The following SLC2A12 variants were observed in gnomAD, a reference collection of about 807,000 sequenced individuals.
The protein encoded by SLC2A12 is solute carrier family 2, facilitated glucose transporter member 12.
SLC2A12 carries 23 observed loss-of-function variants against 41.8 expected under a neutral mutation model. The observed-to-expected ratio is 0.55, with a 90% confidence interval of 0.40 to 0.78. The LOEUF (loss-of-function observed/expected upper bound fraction) is 0.78, where lower values mean the gene tolerates loss of function less well. Ranked by LOEUF, SLC2A12 falls within the 30% of genes least tolerant of loss-of-function variation. SLC2A12 has a pLI of 0.00. For synonymous variants in SLC2A12, 295 were observed against 285.9 expected (o/e 1.03, Z -0.32); for missense variants, 654 against 745.6 (o/e 0.88, Z 1.43).
chr6:133,996,968 G>A (rs74298551), intron 4 of SLC2A12, among the ~76,000 whole-genome samples: 2 of 151,484 alleles, frequency 1.3e-5, no homozygotes, highest in South Asian at 4.2e-4. Context: ...AAAGCCTCTG[G>A]CTCACTAGTA....
At chr6:133,993,557 A>G (rs1415035381) in intron 4 of SLC2A12, among the ~76,000 whole-genome samples, 1 of 152,226 alleles carries the variant, frequency 6.6e-6, no homozygotes, top group Non-Finnish European at 1.5e-5. Context: ...AAGTGTTGGG[A>G]AACAACAGTG....
Position 134,029,445 on chromosome 6 carries a change from C to T in SLC2A12, c.380G>A (p.Ser127Asn), listed in dbSNP as rs1244396449. ...LGLGSLVLIL[S>N]LSYTVLIVGR... is the part of the protein sequence containing the mutation. ...CACTATAAGAACCGTGTAGGATAAA[C>T]TGAGGATCAAGACTAAGCTTCCGAG... Residue 127 changes from serine (S) to asparagine (N), a missense_variant, in exon 2 of 5, where the codon AGT becomes AAT. Ser to Asn is a conservative substitution (Grantham distance 46). Transcript: ENST00000275230. The T allele has an allele frequency of 8.1e-6, 13 of 1,614,108 alleles. No homozygotes were observed. Among genetic ancestry groups the T allele is most frequent in the Non-Finnish European group, 8.5e-6 (10 of 1,180,024 alleles).
At chr6:134,010,323 A>C (rs141891648) in intron 2 of SLC2A12, among the ~76,000 whole-genome samples, 1 of 152,150 alleles carries the variant, frequency 6.6e-6, no homozygotes, top group East Asian at 1.9e-4. Context: ...CTCTCTGGGA[A>C]TCTTCTTTAT....
At chr6:134,035,458 T>C (rs1777284071) in intron 1 of SLC2A12, among the ~76,000 whole-genome samples, 1 of 152,202 alleles carries the variant, frequency 6.6e-6, no homozygotes, top group Admixed American at 6.5e-5. Flanking sequence ...CAGGCCTTGC[T>C]GGGTTTCTGT....
At position 134,029,217 on chromosome 6, in the gene SLC2A12, A is replaced by G. The variant is rs550986254; in HGVS notation, c.608T>C (p.Val203Ala). 1.9e-6 allele frequency: 3 copies of G among 1,614,184 alleles called. No homozygotes were observed. The African/African-American group carries it at 4.0e-5, about 22-fold the overall frequency. Residue 203 changes from valine (V) to alanine (A), a missense_variant, in exon 2 of 5, where the codon GTG (valine) becomes GCG (alanine). This residue lies in a region of SLC2A12 where 411 missense variants were observed against 412.1 expected (regional missense o/e 1.00). Transcript: ENST00000275230. ...FHGWKYMFGL[V>A]IPLGVLQAIA... Reference sequence around the variant, plus strand: ...TGCTTGCAAAACTCCCAAGGGAATCACAAGACCAAACATGTACTTCCAGCC... The same window carrying G: ...TGCTTGCAAAACTCCCAAGGGAATCGCAAGACCAAACATGTACTTCCAGCC...
At chr6:134,032,426 T>TTTATA (rs1416304432) in intron 1 of SLC2A12, among the ~76,000 whole-genome samples, 7 of 35,506 alleles carry the variant, frequency 2.0e-4, no homozygotes, top group East Asian at 9.6e-4. Context: ...ATATATATAT[T>TTTATA]TATATATATA....
chr6:134,029,744 G>A (rs775591617), intron 1 of SLC2A12, 23 bp from the exon 2 acceptor site: 8 of 1,576,218 alleles, frequency 5.1e-6, no homozygotes, highest in South Asian at 2.3e-5. Context: ...AGAAGAGACA[G>A]GGAGGTCAGT....
intron 1 of SLC2A12, among the ~76,000 whole-genome samples, chr6:134,032,825 ATTATATATTAT>A (rs1286816379): frequency 6.9e-6 from 1 of 143,908 alleles, no homozygotes; most frequent in Non-Finnish European, 1.5e-5. Flanking sequence ...ATATATATAA[ATTATATATTAT>A]TTATATATAA....
At chr6:134,001,780 C>T (rs1196046678) in intron 4 of SLC2A12, among the ~76,000 whole-genome samples, 4 of 150,036 alleles carry the variant, frequency 2.7e-5, no homozygotes, top group African/African-American at 9.8e-5. Flanking sequence ...AAGCTTCATT[C>T]ATTGGGAAGA....
chr6:134,043,566 G>A (rs747375707), intron 1 of SLC2A12, among the ~76,000 whole-genome samples: 2 of 151,964 alleles, frequency 1.3e-5, no homozygotes, highest in Non-Finnish European at 2.9e-5. Context: ...AGGCCGAGAT[G>A]GGCGGATCAC....
intron 1 of SLC2A12, among the ~76,000 whole-genome samples, chr6:134,037,767 G>A (rs1777324079): frequency 6.6e-6 from 1 of 152,180 alleles, no homozygotes; most frequent in Non-Finnish European, 1.5e-5. Flanking sequence ...TTGGGAGCAG[G>A]AGTGTCTGTA....
rs563733332 is a variant in SLC2A12 at position 134,012,941 on chromosome 6, C to T, written c.1445-6007G>A. On this transcript the variant is annotated intron_variant, in intron 2 of 4. Transcript: ENST00000275230. Reference sequence around the variant, plus strand: ...AGCTATGATCAATCACACCATTACACTCCAGCCTAGGCAACAGAGCAAGAC... The same window carrying T: ...AGCTATGATCAATCACACCATTACATTCCAGCCTAGGCAACAGAGCAAGAC... Among the ~76,000 whole-genome samples, 6 of 152,274 alleles carry T rather than the reference C, an allele frequency of 3.9e-5. No homozygotes were observed. In the East Asian group the frequency reaches 9.6e-4, roughly 24 times the overall value.
In SLC2A12 at chr6:134,029,725, C is replaced by T; in HGVS notation, c.104-4G>A. On this transcript the variant is annotated splice_polypyrimidine_tract_variant and splice_region_variant and intron_variant, in intron 1 of 4. Transcript: ENST00000275230. ...AGGAAGGTAAACATGCCGCAGCCTG[C>T]AAGCAGAGAGAAGAGACAGGGAGGT... is the stretch of plus-strand genomic sequence containing the variant. The T allele has an allele frequency of 6.3e-7, 1 of 1,589,210 alleles. No individual in the cohort carries two copies. Among genetic ancestry groups the T allele is most frequent in the African/African-American group, 1.3e-5 (1 of 74,658 alleles).
At position 134,028,567 on chromosome 6, in the gene SLC2A12, T is replaced by A. The variant is rs750997944; in HGVS notation, c.1258A>T (p.Met420Leu). The A allele has an allele frequency of 6.8e-6, 11 of 1,614,180 alleles. No individual in the cohort carries two copies. In the Admixed American group the frequency reaches 1.8e-4, roughly 27 times the overall value. The change falls in exon 2 of 5, where the codon ATG (methionine) becomes TTG (leucine). Residue 420 changes from methionine (M) to leucine (L), a missense_variant. By Grantham distance (15) the Met-to-Leu change is conservative (BLOSUM62 2). Coordinates refer to ENST00000275230, the MANE Select transcript of SLC2A12 (RefSeq NM_145176.3). ...GISSHSRSSL[M>L]PLRNDVDKRG... ...TTATCCACATCATTTCTCAGGGGCA[T>A]GAGTGAGCTTCTGCTATGGGAAGAA...
At chr6:134,047,351 A>T (rs1451722538) in intron 1 of SLC2A12, among the ~76,000 whole-genome samples, 1 of 152,200 alleles carries the variant, frequency 6.6e-6, no homozygotes, top group Non-Finnish European at 1.5e-5. Flanking sequence ...GAGCTCTCAG[A>T]ACTTTTTTAA....
intron 4 of SLC2A12, among the ~76,000 whole-genome samples, chr6:133,997,539 T>C (rs1020061506): frequency 6.6e-6 from 1 of 152,192 alleles, no homozygotes; most frequent in Non-Finnish European, 1.5e-5. Context: ...TTAAGTGAAC[T>C]AATGTAGAAA....
intron 1 of SLC2A12, among the ~76,000 whole-genome samples, chr6:134,041,884 A>G (rs1401616815): frequency 6.6e-6 from 1 of 152,140 alleles, no homozygotes; most frequent in Non-Finnish European, 1.5e-5. Flanking sequence ...TCTTTCCTAG[A>G]GTCCCCTGGC....
chr6:133,994,864 A>G (rs561165756), intron 4 of SLC2A12, among the ~76,000 whole-genome samples: 2 of 152,302 alleles, frequency 1.3e-5, no homozygotes, highest in East Asian at 3.9e-4. Context: ...GTAAGAGATA[A>G]CCAGGGGACG....
At chr6:134,000,873 A>G (rs140857475) in intron 4 of SLC2A12, among the ~76,000 whole-genome samples, 4 of 152,328 alleles carry the variant, frequency 2.6e-5, no homozygotes, top group Admixed American at 6.5e-5. Flanking sequence ...AATGTGCAAT[A>G]TTTAGAACAA....
Sources: allele counts gnomAD v4.1 joint callset (sites outside exome capture counted in the v4.1 genomes callset), GRCh38; gene constraint gnomAD v4.1.1; regional missense constraint gnomAD v4.1.1; transcripts MANE v1.5; gene names NCBI Gene and HGNC (gene_info 2026-07-23, HGNC 2026-07-21).